ATPAF1: variants seen among roughly 807,000 people sequenced by gnomAD.
The protein encoded by ATPAF1 is ATP synthase mitochondrial F1 complex assembly factor 1.
In ATPAF1, 26 loss-of-function variants were observed where a neutral mutation model predicts 43.9. The ratio of observed to expected loss-of-function variants is 0.59; its 90% CI spans 0.43 to 0.82. ATPAF1 has a LOEUF of 0.82. Among genes scored for constraint, ATPAF1 ranks in the 40% least tolerant of loss-of-function variants. The pLI is 0.00. For synonymous variants in ATPAF1, 157 were observed against 168.0 expected (o/e 0.93, Z 0.50); for missense variants, 366 against 435.0 (o/e 0.84, Z 1.41).
intron 6 of ATPAF1, among the ~76,000 whole-genome samples, chr1:46,645,791 G>A (rs897323306): frequency 6.6e-6 from 1 of 152,178 alleles, no homozygotes; most frequent in African/African-American, 2.4e-5. Context: ...TCCCATCCCA[G>A]AGTTAACATC....
exon 4 of ATPAF1, chr1:46,658,185 A>G (rs758456698): frequency 1.9e-6 from 3 of 1,599,736 alleles, no homozygotes; most frequent in Non-Finnish European, 2.6e-6. Context: ...GATTGAACTG[A>G]GAGTCTTGAA....
chr1:46,641,335 T>A (rs977320625), intron 8 of ATPAF1, among the ~76,000 whole-genome samples: 2 of 148,674 alleles, frequency 1.3e-5, no homozygotes, highest in Non-Finnish European at 3.0e-5. Flanking sequence ...CACCTTGTCC[T>A]CCCAAAATGC....
chr1:46,644,339 A>G (rs1676000297), intron 7 of ATPAF1, among the ~76,000 whole-genome samples: 1 of 152,178 alleles, frequency 6.6e-6, no homozygotes, highest in Admixed American at 6.5e-5. Context: ...ACTTTCTTCT[A>G]TGTAATTAGA....
chr1:46,645,917 G>A (rs1009337951), intron 6 of ATPAF1, among the ~76,000 whole-genome samples: 1 of 152,228 alleles, frequency 6.6e-6, no homozygotes, highest in East Asian at 1.9e-4. Flanking sequence ...GCTCACACCT[G>A]TAATTCCAGC....
At chr1:46,638,400 T>C (rs1258063) in intron 8 of ATPAF1, among the ~76,000 whole-genome samples, 130,757 of 152,072 alleles carry the variant, frequency 0.86, 58,541 homozygotes, top group Non-Finnish European at 0.99. Flanking sequence ...GGGCGGATCA[T>C]GAGGTCAGGA....
At chr1:46,640,970 T>C (rs1675938690) in intron 8 of ATPAF1, among the ~76,000 whole-genome samples, 1 of 152,258 alleles carries the variant, frequency 6.6e-6, no homozygotes, top group Non-Finnish European at 1.5e-5. Flanking sequence ...ATATTCCTGG[T>C]AAAGATCAAC....
downstream of ATPAF1, chr1:46,633,633 G>A (rs1675788342): frequency 2.6e-5 from 11 of 416,224 alleles, no homozygotes; most frequent in South Asian, 2.0e-4. Flanking sequence ...TAAATATAAA[G>A]AACAGCTACG....
downstream of ATPAF1, chr1:46,634,641 T>G (rs148065818): frequency 1.3e-5 from 2 of 152,226 alleles, no homozygotes; most frequent in Middle Eastern, 3.4e-3. Context: ...GAGAAAGAAA[T>G]GCCATGGTAA....
intron 1 of ATPAF1, among the ~76,000 whole-genome samples, chr1:46,666,965 T>C (rs770193927): frequency 1.3e-5 from 2 of 152,206 alleles, no homozygotes; most frequent in Non-Finnish European, 2.9e-5. Flanking sequence ...ACAGATCAAA[T>C]ACAGATCAAC....
intron 7 of ATPAF1, 61 bp downstream of exon 7, chr1:46,645,100 G>C (rs1023943256): frequency 8.0e-6 from 11 of 1,376,292 alleles, no homozygotes; most frequent in Non-Finnish European, 1.1e-5. Context: ...CTCAGCAAGG[G>C]TTTCTAGTCC....
At chr1:46,647,301 C>T (rs1433767146) in intron 6 of ATPAF1, among the ~76,000 whole-genome samples, 1 of 152,150 alleles carries the variant, frequency 6.6e-6, no homozygotes, top group Non-Finnish European at 1.5e-5. Flanking sequence ...ATACGACATT[C>T]CCGTCTGTAA....
intron 2 of ATPAF1, among the ~76,000 whole-genome samples, chr1:46,662,849 C>G (rs1440430676): frequency 1.3e-5 from 2 of 151,998 alleles, no homozygotes; most frequent in Admixed American, 6.6e-5. Context: ...TGTTACATAT[C>G]TATACATGTA....
chr1:46,665,807 G>A lies in ATPAF1; in HGVS notation c.267-443C>T, dbSNP rs956075996. 85 of 1,452,630 alleles carry A rather than the reference G, an allele frequency of 5.9e-5. No individual in the cohort carries two copies. The African/African-American group carries it at 1.1e-3, about 19-fold the overall frequency. The allele number at this position is 1,452,630 out of a possible 1,614,324, so 90.0% of individuals were successfully genotyped here. A position where few individuals can be genotyped will look rare whatever the true frequency, so the allele number is the denominator to read the frequency against. On this transcript the variant is annotated intron_variant, in intron 1 of 8. Transcript: ENST00000574428. ...TAAACATCTGCTTTATTCAGATCCT[G>A]GTGATTCAGAGGCTTTAGGTAGCCT...
At chr1:46,641,370 T>TG (rs71050060) in intron 8 of ATPAF1, among the ~76,000 whole-genome samples, 130,785 of 152,120 alleles carry the variant, frequency 0.86, 58,553 homozygotes, top group Non-Finnish European at 0.99. Context: ...TGAGCCACTG[T>TG]CCCAGCCTCA....
chr1:46,637,160 GTAGCAGAGAAATGGTGAGCAA>G (rs914385899), intron 8 of ATPAF1, among the ~76,000 whole-genome samples: 1 of 152,232 alleles, frequency 6.6e-6, no homozygotes, highest in African/African-American at 2.4e-5. Flanking sequence ...GAGAAGGGCA[GTAGCAGAGAAATGGTGAGCAA>G]TAGCAGAGAA....
At chr1:46,652,961 A>G (rs1481953564) in intron 5 of ATPAF1, among the ~76,000 whole-genome samples, 1 of 152,136 alleles carries the variant, frequency 6.6e-6, no homozygotes, top group Non-Finnish European at 1.5e-5. Flanking sequence ...GATCTAAAAC[A>G]TCACAAAAAG....
chr1:46,668,147 C>T lies in ATPAF1; in HGVS notation c.176G>A (p.Gly59Asp), dbSNP rs1035328299. 2.6e-5 allele frequency: 36 copies of T among 1,400,888 alleles called. No homozygotes were observed. The highest frequency in any genetic ancestry group is 1.7e-5 in the Non-Finnish European group (18 of 1,077,882). The allele number at this position is 1,400,888 out of a possible 1,614,324, so 86.8% of individuals were successfully genotyped here. The stretch of plus-strand genomic sequence containing the variant: ...GGCCCCGACCCCGCTGCTGTCGGCG[C>T]CCCCCTCGGGCCGGCCCGAGCCGGG... Residue 59 changes from glycine to aspartate, a missense_variant, in exon 1 of 9, where the codon GGC becomes GAC. Gly to Asp is a moderately conservative substitution (Grantham distance 94, BLOSUM62 -1). This residue lies in a region of ATPAF1 where 186 missense variants were observed against 168.5 expected (regional missense o/e 1.10). Transcript: ENST00000574428. The surrounding 1 kb of genome is among the most constrained non-coding windows in gnomAD (Gnocchi z 4.4).
At chr1:46,644,161 G>A (rs1355354071) in intron 7 of ATPAF1, among the ~76,000 whole-genome samples, 1 of 152,036 alleles carries the variant, frequency 6.6e-6, no homozygotes, top group South Asian at 2.1e-4. Flanking sequence ...TCCTAAAGCT[G>A]AATATTAGCT....
rs891162384 is a variant in ATPAF1, at chr1:46,653,033, TAA to T, written c.541-407_541-406del. Among the ~76,000 whole-genome samples, 3 of 150,818 alleles carry T rather than the reference TAA, an allele frequency of 2.0e-5. No individual in the cohort carries two copies. Among genetic ancestry groups the T allele is most frequent in the Non-Finnish European group, 4.4e-5 (3 of 67,670 alleles). ...ATAAGGGTATATATATATGAGAGAT[TAA>T]AAAAAAAGATAGCGATACCATCATA... On this transcript the variant is annotated intron_variant, in intron 5 of 8. Transcript: ENST00000574428. The surrounding 1 kb of genome is among the most constrained non-coding windows in gnomAD (Gnocchi z 4.8).
Sources: allele counts gnomAD v4.1 joint callset (sites outside exome capture counted in the v4.1 genomes callset), GRCh38; gene constraint gnomAD v4.1.1; regional missense constraint gnomAD v4.1.1; non-coding constraint Gnocchi (gnomAD v3.1); transcripts MANE v1.5; gene names NCBI Gene and HGNC (gene_info 2026-07-23, HGNC 2026-07-21).